RIMS2: variants seen among roughly 807,000 people sequenced by gnomAD.
The protein encoded by RIMS2 is regulating synaptic membrane exocytosis protein 2.
Under a neutral mutation model 174.4 loss-of-function variants are expected in RIMS2, and 59 were observed. That is an observed-to-expected ratio of 0.34 (90% CI 0.27 to 0.42). The LOEUF is 0.42. RIMS2 is among the 10% of genes least tolerant of loss of function. The pLI, the probability that RIMS2 is intolerant of heterozygous loss-of-function variation, is 1.00. For missense variants in RIMS2, 1,620 were observed against 1,666.3 expected (o/e 0.97, Z 0.48); for synonymous variants, 606 against 572.5 (o/e 1.06, Z -0.84).
chr8:103,632,576 A>G (rs1322128192), intron 1 of RIMS2, among the ~76,000 whole-genome samples: 2 of 151,750 alleles, frequency 1.3e-5, no homozygotes, highest in Non-Finnish European at 2.9e-5. Flanking sequence ...ACCTGCCACC[A>G]TGCCCAGCTA....
At chr8:103,637,760 T>C (rs2096123508) in intron 1 of RIMS2, among the ~76,000 whole-genome samples, 1 of 152,192 alleles carries the variant, frequency 6.6e-6, no homozygotes, top group African/African-American at 2.4e-5. Context: ...GTAGGATTTA[T>C]TCAAATCTTA....
At chr8:104,205,581 G>A (rs748182110) in intron 19 of RIMS2, among the ~76,000 whole-genome samples, 3 of 151,976 alleles carry the variant, frequency 2.0e-5, no homozygotes, top group Non-Finnish European at 2.9e-5. Flanking sequence ...CAGATCAGAA[G>A]CCTTCTATAC....
chr8:104,138,405 G>C (rs145323890), intron 19 of RIMS2, among the ~76,000 whole-genome samples: 2 of 152,088 alleles, frequency 1.3e-5, no homozygotes, highest in African/African-American at 4.8e-5. Context: ...GGTGTAAGAG[G>C]GTTCCCTTTT....
intron 3 of RIMS2, among the ~76,000 whole-genome samples, chr8:103,812,374 A>T: frequency 7.8e-6 from 1 of 128,978 alleles, no homozygotes; most frequent in African/African-American, 2.8e-5. Flanking sequence ...TTTGAGACAG[A>T]GTTTCACCCT....
At chr8:103,715,341 C>A (rs1008674640) in intron 2 of RIMS2, among the ~76,000 whole-genome samples, 30 of 152,076 alleles carry the variant, frequency 2.0e-4, no homozygotes, top group African/African-American at 6.3e-4. Context: ...CTGCCCCCGA[C>A]CAACAGGCCC....
chr8:104,251,216 A>G, intron 23 of RIMS2, 53 bp downstream of exon 29: 2 of 1,396,616 alleles, frequency 1.4e-6, no homozygotes, highest in Non-Finnish European at 9.9e-7. Flanking sequence ...TCATGGGGTC[A>G]GACATTATAC....
At position 104,195,430 on chromosome 8, in the gene RIMS2, A is replaced by G. The variant is rs77410319; in HGVS notation, c.3335-49486A>G. ...ATTTTGAGGTTTTGATACCTCAGGA[A>G]CTTTCAAGTAAAGATGTGTAGTGGG... On this transcript the variant is annotated intron_variant, in intron 19 of 23. Coordinates refer to ENST00000504942, the Ensembl canonical transcript of RIMS2. Among the ~76,000 whole-genome samples, 187 of 152,248 alleles carry G rather than the reference A, an allele frequency of 1.2e-3. 5 individuals are homozygous for G. The East Asian group carries it at 0.032, about 26-fold the overall frequency.
downstream of RIMS2, chr8:104,252,774 T>C (rs1316911522): frequency 6.6e-6 from 1 of 152,224 alleles, no homozygotes; most frequent in Admixed American, 6.5e-5. Flanking sequence ...TTTATTTCCA[T>C]GTTAAATATA....
intron 5 of RIMS2, 53 bp from the exon 9 acceptor site, chr8:103,912,000 A>G: frequency 7.3e-7 from 1 of 1,367,328 alleles, no homozygotes; most frequent in Non-Finnish European, 1.0e-6. Flanking sequence ...GATAAATAAA[A>G]TCATTTATTT....
intron 19 of RIMS2, chr8:104,094,824 C>A (rs748232957): frequency 3.2e-4 from 187 of 582,132 alleles, no homozygotes; most frequent in Non-Finnish European, 5.2e-4. Flanking sequence ...GCTTTATTTT[C>A]TTGTGTTTTA....
rs148754024 is a variant in RIMS2 at position 103,797,254 on chromosome 8, T to A, written c.698+30717T>A. 5.7e-3 allele frequency among the ~76,000 whole-genome samples: 866 copies of A among 152,290 alleles called. 4 individuals are homozygous for A. The highest frequency in any genetic ancestry group is 8.6e-3 in the Non-Finnish European group (585 of 68,018). On this transcript the variant is annotated intron_variant, in intron 3 of 23. Transcript: ENST00000504942. ...GTATGTTTTTCTAGCAAGAATTATA[T>A]TTTTGCTTAGAAAGGATACCATTAT...
At chr8:103,744,857 A>G (rs2097793612) in intron 2 of RIMS2, among the ~76,000 whole-genome samples, 1 of 152,176 alleles carries the variant, frequency 6.6e-6, no homozygotes, top group Admixed American at 6.6e-5. Context: ...CCTACCTTTC[A>G]TGTTTCACTT....
At chr8:104,182,731 G>A (rs1055291822) in intron 19 of RIMS2, among the ~76,000 whole-genome samples, 6 of 151,734 alleles carry the variant, frequency 4.0e-5, no homozygotes, top group Non-Finnish European at 8.8e-5. Flanking sequence ...GTTGCCATGT[G>A]TGACTTCTGG....
At chr8:103,549,967 A>T (rs1006415700) in intron 1 of RIMS2, among the ~76,000 whole-genome samples, 13 of 152,292 alleles carry the variant, frequency 8.5e-5, no homozygotes, top group African/African-American at 2.9e-4. Flanking sequence ...AAGTTCTTAG[A>T]GACCTACAAA....
At chr8:103,668,565 A>AGT (rs35887428) in intron 1 of RIMS2, among the ~76,000 whole-genome samples, 26,173 of 151,254 alleles carry the variant, frequency 0.17, 2,400 homozygotes, top group African/African-American at 0.22. Flanking sequence ...CCAGTTTGTA[A>AGT]GTGTGTGTGT....
At chr8:104,058,796 A>G (rs201210588) in intron 19 of RIMS2, among the ~76,000 whole-genome samples, 4 of 152,020 alleles carry the variant, frequency 2.6e-5, no homozygotes, top group Non-Finnish European at 4.4e-5. Context: ...TGGCTAGCCA[A>G]TTTTCCCAGC....
chr8:104,055,110 A>G (rs2096847362), intron 19 of RIMS2, among the ~76,000 whole-genome samples: 1 of 152,058 alleles, frequency 6.6e-6, no homozygotes, highest in Admixed American at 6.6e-5. Flanking sequence ...ACATATTATC[A>G]TAGGATTCTA....
At chr8:103,722,959 A>G (rs968828474) in intron 2 of RIMS2, among the ~76,000 whole-genome samples, 1 of 152,126 alleles carries the variant, frequency 6.6e-6, no homozygotes, top group African/African-American at 2.4e-5. Flanking sequence ...AAAAAATGCA[A>G]CAATTAGCCG....
intron 1 of RIMS2, among the ~76,000 whole-genome samples, chr8:103,611,452 A>T (rs535505618): frequency 7.3e-5 from 11 of 151,474 alleles, no homozygotes; most frequent in Admixed American, 1.3e-4. Context: ...TGTTTTTCAG[A>T]TTCAAGAAAA....
Sources: gnomAD v4.1 joint callset for allele counts (sites outside exome capture counted in the v4.1 genomes callset) on GRCh38, gnomAD v4.1.1 for gene constraint, MANE v1.5 for transcripts, NCBI Gene and HGNC (gene_info 2026-07-23, HGNC 2026-07-21) for gene names.